Variants in ACYP2 observed in about 807,000 individuals in gnomAD.
The protein encoded by ACYP2 is acylphosphatase 2.
In ACYP2, 12 loss-of-function variants were observed where a neutral mutation model predicts 11.2. The ratio of observed to expected loss-of-function variants is 1.08; its 90% CI spans 0.69 to 1.74. ACYP2 has a LOEUF of 1.74. ACYP2 is among the 40% of genes most tolerant of loss of function. The probability of loss-of-function intolerance (pLI) is 0.00; values close to 1 mark genes in which losing one functional copy is unlikely to be tolerated. For synonymous variants in ACYP2, 43 were observed against 32.2 expected (o/e 1.33, Z -1.13); for missense variants, 134 against 101.9 (o/e 1.31, Z -1.35).
At chr2:54,274,257 A>G (rs1402865400) in intron 6 of ACYP2, among the ~76,000 whole-genome samples, 2 of 152,278 alleles carry the variant, frequency 1.3e-5, no homozygotes, top group East Asian at 1.9e-4. Flanking sequence ...GAGACTTACC[A>G]TTGCAAGAAC....
At chr2:54,118,119 G>A (rs1258450109) in intron 4 of ACYP2, among the ~76,000 whole-genome samples, 1 of 152,176 alleles carries the variant, frequency 6.6e-6, no homozygotes, top group Non-Finnish European at 1.5e-5. Flanking sequence ...GGAGTCTCAG[G>A]TCAGTTTTAG....
intron 6 of ACYP2, among the ~76,000 whole-genome samples, chr2:54,146,545 G>A (rs1283216899): frequency 6.6e-6 from 1 of 151,786 alleles, no homozygotes; most frequent in East Asian, 1.9e-4. Flanking sequence ...AAAGTGCTGG[G>A]ATTACAGGTG....
intron 6 of ACYP2, among the ~76,000 whole-genome samples, chr2:54,226,478 G>A (rs919683319): frequency 1.3e-5 from 2 of 152,168 alleles, no homozygotes; most frequent in Admixed American, 1.3e-4. Context: ...AAAGAGTTGA[G>A]CCATTTCTGA....
chr2:54,051,258 C>A lies in ACYP2; in HGVS notation c.155+208C>A, dbSNP rs58333745. 3,462 of 862,476 alleles carry A rather than the reference C, an allele frequency of 4.0e-3. 64 individuals are homozygous for A. The East Asian group carries it at 0.044, about 11-fold the overall frequency. 53.4% of individuals were successfully genotyped at this position (862,476 alleles called of 1,614,324 possible). A position where few individuals can be genotyped will look rare whatever the true frequency, so the allele number is the denominator to read the frequency against. On this transcript the variant is annotated intron_variant, in intron 3 of 6. Transcript: ENST00000607452. ...CTGAGAGGCAAAATGTCATCATATG[C>A]ATTTTTTGTGCAAACTTGTCAGGAA...
chr2:54,130,279 T>C (rs1386699975), intron 4 of ACYP2, among the ~76,000 whole-genome samples: 1 of 152,046 alleles, frequency 6.6e-6, no homozygotes, highest in Admixed American at 6.6e-5. Flanking sequence ...GGGAAGAGGA[T>C]TCAGGCAGAA....
At chr2:54,124,889 A>C (rs974082397) in intron 4 of ACYP2, among the ~76,000 whole-genome samples, 1 of 151,988 alleles carries the variant, frequency 6.6e-6, no homozygotes, top group Non-Finnish European at 1.5e-5. Flanking sequence ...TGCTAACTAG[A>C]GGCATGTACT....
chr2:54,067,357 G>T (rs940986210), intron 4 of ACYP2, among the ~76,000 whole-genome samples: 5 of 152,128 alleles, frequency 3.3e-5, no homozygotes, highest in Non-Finnish European at 7.4e-5. Flanking sequence ...GGCGAAATAA[G>T]TTTTCCATTG....
rs1019158399 is a variant in ACYP2, at chr2:54,233,815, G to A, written c.405-70873G>A. Reference sequence around the variant, plus strand: ...CTTACATTAAGGGAACTTCAAAAAGGTCACGGGAAAATGGAATTAAAAGAT... The same window carrying A: ...CTTACATTAAGGGAACTTCAAAAAGATCACGGGAAAATGGAATTAAAAGAT... On this transcript the variant is annotated intron_variant, in intron 6 of 6. Coordinates refer to ENST00000607452, the MANE Select transcript of ACYP2 (RefSeq NM_001320586.2). 3.9e-5 allele frequency among the ~76,000 whole-genome samples: 6 copies of A among 152,158 alleles called. No individual in the cohort carries two copies. The South Asian group carries it at 1.2e-3, about 32-fold the overall frequency.
chr2:54,264,870 G>A (rs1687946505), intron 6 of ACYP2, among the ~76,000 whole-genome samples: 1 of 152,118 alleles, frequency 6.6e-6, no homozygotes, highest in African/African-American at 2.4e-5. Flanking sequence ...GTGATAAATG[G>A]CATTAAAGTA....
intron 6 of ACYP2, among the ~76,000 whole-genome samples, chr2:54,286,038 G>T (rs1288557602): frequency 6.6e-6 from 1 of 152,328 alleles, no homozygotes; most frequent in Non-Finnish European, 1.5e-5. Context: ...TAAACCCATT[G>T]TAAGTTGAAA....
intron 6 of ACYP2, among the ~76,000 whole-genome samples, chr2:54,230,794 C>T (rs911251803): frequency 6.6e-6 from 1 of 151,778 alleles, no homozygotes; most frequent in Non-Finnish European, 1.5e-5. Flanking sequence ...AGTTGTCCCA[C>T]CTTTCTAAAT....
intron 4 of ACYP2, among the ~76,000 whole-genome samples, chr2:54,086,316 G>T (rs887603274): frequency 6.6e-6 from 1 of 152,088 alleles, no homozygotes; most frequent in African/African-American, 2.4e-5. Flanking sequence ...GACATGTGGT[G>T]GTCAGTTATT....
At chr2:54,159,626 G>T (rs1421205053) in intron 6 of ACYP2, among the ~76,000 whole-genome samples, 1 of 152,076 alleles carries the variant, frequency 6.6e-6, no homozygotes, top group African/African-American at 2.4e-5. Context: ...ATGATTAAAG[G>T]GGTTGTGAAA....
chr2:54,181,691 T>G (rs1297761339), intron 6 of ACYP2, among the ~76,000 whole-genome samples: 1 of 152,182 alleles, frequency 6.6e-6, no homozygotes, highest in Non-Finnish European at 1.5e-5. Context: ...TATTAAGCAC[T>G]TACTATGTGC....
chr2:54,141,816 A>C (rs1281430951), intron 6 of ACYP2: 1 of 498,846 alleles, frequency 2.0e-6, no homozygotes, highest in African/African-American at 1.9e-5. Context: ...TGTCACACAT[A>C]TGCTTTTAAG....
chr2:54,272,289 G>C (rs896854603), intron 6 of ACYP2, among the ~76,000 whole-genome samples: 2 of 152,200 alleles, frequency 1.3e-5, no homozygotes, highest in African/African-American at 4.8e-5. Flanking sequence ...CTGTGAGTCT[G>C]TGTCTCTGGG....
intron 6 of ACYP2, among the ~76,000 whole-genome samples, chr2:54,252,183 T>C (rs987687539): frequency 3.9e-5 from 6 of 152,250 alleles, no homozygotes; most frequent in Non-Finnish European, 8.8e-5. Flanking sequence ...ATGTACTCTG[T>C]CTGGCTTCTT....
chr2:54,061,171 G>A (rs1432387999), intron 4 of ACYP2, among the ~76,000 whole-genome samples: 1 of 152,134 alleles, frequency 6.6e-6, no homozygotes, highest in African/African-American at 2.4e-5. Context: ...GCCATATTTA[G>A]CTGGAAGTTC....
At position 54,272,271 on chromosome 2, in the gene ACYP2, A is replaced by G. The variant is rs549454700; in HGVS notation, c.405-32417A>G. 5.9e-5 allele frequency among the ~76,000 whole-genome samples: 9 copies of G among 152,316 alleles called. No homozygotes were observed. In the South Asian group the frequency reaches 1.7e-3, roughly 28 times the overall value. On this transcript the variant is annotated intron_variant, in intron 6 of 6. Transcript: ENST00000607452. ...GGGGCCTAACTATGGGGGTCTGTGA[A>G]TGAAAGGCTGTGAGTCTGTGTCTCT...
Sources: gnomAD v4.1 joint callset for allele counts (sites outside exome capture counted in the v4.1 genomes callset) on GRCh38, gnomAD v4.1.1 for gene constraint, MANE v1.5 for transcripts, NCBI Gene and HGNC (gene_info 2026-07-23, HGNC 2026-07-21) for gene names.